Variants in C8orf34 observed in about 807,000 individuals in gnomAD.
The protein encoded by C8orf34 is uncharacterized protein C8orf34.
C8orf34 carries 65 observed loss-of-function variants against 68.3 expected under a neutral mutation model. That is an observed-to-expected ratio of 0.95 (90% CI 0.78 to 1.17). The LOEUF is 1.17. Ranked by LOEUF, C8orf34 falls within the 50% of genes most tolerant of loss-of-function variation. C8orf34 has a pLI of 0.00. For missense variants in C8orf34, 664 were observed against 655.4 expected, an observed-to-expected ratio of 1.01 and a Z score of -0.14; for synonymous variants, 244 against 241.2, an observed-to-expected ratio of 1.01 and a Z score of -0.11.
chr8:68,334,308 G>C (rs1210205947), intron 1 of C8orf34, among the ~76,000 whole-genome samples: 1 of 151,958 alleles, frequency 6.6e-6, no homozygotes, highest in South Asian at 2.1e-4. Flanking sequence ...CATTGCATTA[G>C]AATTCTGGAC....
intron 1 of C8orf34, among the ~76,000 whole-genome samples, chr8:68,435,703 C>T (rs1169946420): frequency 2.0e-5 from 3 of 152,194 alleles, no homozygotes; most frequent in Non-Finnish European, 2.9e-5. Flanking sequence ...AACTCTAACT[C>T]AGATCATATG....
intron 7 of C8orf34, among the ~76,000 whole-genome samples, chr8:68,594,276 T>C (rs1425702212): frequency 6.6e-6 from 1 of 152,070 alleles, no homozygotes; most frequent in East Asian, 1.9e-4. Flanking sequence ...ACTCTTCCTA[T>C]AATTGTCTGG....
Position 68,635,970 on chromosome 8 carries a change from G to A in C8orf34, c.1106-4406G>A, listed in dbSNP as rs547141962. ...ATTTATTCAGAGCTGGTTATAGAACGGGAGTTAGCCACTATCACTTGCATT... is the reference window on the plus strand; with the variant it reads ...ATTTATTCAGAGCTGGTTATAGAACAGGAGTTAGCCACTATCACTTGCATT... On this transcript the variant is annotated intron_variant, in intron 7 of 13. Coordinates refer to ENST00000518698, the MANE Select transcript of C8orf34 (RefSeq NM_052958.4). Among the ~76,000 whole-genome samples the A allele has an allele frequency of 5.9e-5, 9 of 152,258 alleles. No individual in the cohort carries two copies. The South Asian group carries it at 1.0e-3, about 18-fold the overall frequency.
intron 1 of C8orf34, among the ~76,000 whole-genome samples, chr8:68,369,945 C>A (rs1418544074): frequency 6.6e-6 from 1 of 152,182 alleles, no homozygotes; most frequent in Non-Finnish European, 1.5e-5. Flanking sequence ...CCCTCTCACG[C>A]AGGGAAGCTT....
chr8:68,418,520 G>C (rs941390221), intron 1 of C8orf34, among the ~76,000 whole-genome samples: 1 of 152,072 alleles, frequency 6.6e-6, no homozygotes, highest in Non-Finnish European at 1.5e-5. Flanking sequence ...GTTGAATTTT[G>C]TCAAAGGCCT....
At chr8:68,536,358 C>CAAAAAAAAA (rs10696903) in intron 7 of C8orf34, among the ~76,000 whole-genome samples, 41 of 49,022 alleles carry the variant, frequency 8.4e-4, no homozygotes, top group Admixed American at 1.5e-3. Flanking sequence ...GACCCTATCT[C>CAAAAAAAAA]AAAAAAAAAA....
At chr8:68,660,555 G>A (rs560622259) in intron 8 of C8orf34, among the ~76,000 whole-genome samples, 59 of 152,240 alleles carry the variant, frequency 3.9e-4, no homozygotes, top group African/African-American at 1.3e-3. Context: ...CCCTACCCAC[G>A]TAATGGGGGG....
At chr8:68,349,239 G>A (rs1218679158) in intron 1 of C8orf34, among the ~76,000 whole-genome samples, 1 of 152,028 alleles carries the variant, frequency 6.6e-6, no homozygotes, top group Non-Finnish European at 1.5e-5. Context: ...TAATCATGTG[G>A]TTTTTGTCTT....
chr8:68,617,482 G>A (rs1045019491), intron 7 of C8orf34, among the ~76,000 whole-genome samples: 12 of 152,190 alleles, frequency 7.9e-5, no homozygotes, highest in Admixed American at 2.0e-4. Flanking sequence ...CAGGCCTTGT[G>A]GTGACAAAAT....
At chr8:68,806,939 C>G (rs977878014) in intron 12 of C8orf34, among the ~76,000 whole-genome samples, 1 of 152,186 alleles carries the variant, frequency 6.6e-6, no homozygotes, top group African/African-American at 2.4e-5. Flanking sequence ...GCTGGAGATA[C>G]ACTTGCAAGA....
chr8:68,797,765 A>G (rs1328659224), intron 12 of C8orf34, among the ~76,000 whole-genome samples: 2 of 152,182 alleles, frequency 1.3e-5, no homozygotes, highest in Non-Finnish European at 1.5e-5. Context: ...TAAAGGCTAA[A>G]ATGAGTTAAT....
intron 10 of C8orf34, among the ~76,000 whole-genome samples, chr8:68,729,172 A>G (rs1361519508): frequency 2.0e-5 from 3 of 152,234 alleles, no homozygotes; most frequent in African/African-American, 7.2e-5. Context: ...TTTTACAAGA[A>G]AGAATTAGAT....
chr8:68,557,396 G>T, intron 7 of C8orf34, among the ~76,000 whole-genome samples: 1 of 152,096 alleles, frequency 6.6e-6, no homozygotes, highest in Non-Finnish European at 1.5e-5. Context: ...ACTGTTTGTA[G>T]TTTTAAAATA....
rs1167872245 is a variant in C8orf34, at chr8:68,818,984, T to G, written c.*738T>G. 1 of 152,128 alleles carries G rather than the reference T, an allele frequency of 6.6e-6. No homozygotes were observed. Among genetic ancestry groups the G allele is most frequent in the East Asian group, 1.9e-4 (1 of 5,194 alleles). The allele number at this position is 152,128 out of a possible 1,614,324, so 9.4% of individuals were successfully genotyped here. ...TTTTGGAATGTGTTATGCATTGATG[T>G]TAAGTGAATGGATCTAAGTAAATCT... On this transcript the variant is annotated 3_prime_UTR_variant, in exon 14 of 14. Coordinates refer to ENST00000518698, the MANE Select transcript of C8orf34 (RefSeq NM_052958.4).
chr8:68,783,523 CAAAA>C (rs775189886), intron 11 of C8orf34, among the ~76,000 whole-genome samples: 3 of 53,756 alleles, frequency 5.6e-5, no homozygotes, highest in Admixed American at 1.9e-4. Context: ...GACTTCATCT[CAAAA>C]AAAAAAAAAA....
chr8:68,370,510 A>T (rs1029596739), intron 1 of C8orf34, among the ~76,000 whole-genome samples: 2 of 152,040 alleles, frequency 1.3e-5, no homozygotes, highest in African/African-American at 2.4e-5. Flanking sequence ...TCTCCTCACT[A>T]ATGTATTTTT....
At chr8:68,813,599 C>T (rs1303166458) in intron 12 of C8orf34, among the ~76,000 whole-genome samples, 1 of 151,988 alleles carries the variant, frequency 6.6e-6, no homozygotes, top group African/African-American at 2.4e-5. Flanking sequence ...TCCTGGAAAA[C>T]ATTGGGTCCC....
At chr8:68,378,582 G>T (rs146299170) in intron 1 of C8orf34, among the ~76,000 whole-genome samples, 1 of 152,120 alleles carries the variant, frequency 6.6e-6, no homozygotes, top group Non-Finnish European at 1.5e-5. Flanking sequence ...GCCACTGTGT[G>T]TGGCCCAGAG....
intron 6 of C8orf34, among the ~76,000 whole-genome samples, chr8:68,526,857 C>T (rs1047885796): frequency 6.6e-6 from 1 of 152,100 alleles, no homozygotes; most frequent in Non-Finnish European, 1.5e-5. Flanking sequence ...TGAAACTAAA[C>T]GGAGCAAGCT....
Sources: gnomAD v4.1 joint callset for allele counts (sites outside exome capture counted in the v4.1 genomes callset) on GRCh38, gnomAD v4.1.1 for gene constraint, MANE v1.5 for transcripts, NCBI Gene and HGNC (gene_info 2026-07-23, HGNC 2026-07-21) for gene names.